Variants in PLCB1 observed in about 807,000 individuals in gnomAD.
PLCB1 encodes the protein 1-phosphatidylinositol 4,5-bisphosphate phosphodiesterase beta-1.
A neutral mutation model predicts 161.8 loss-of-function variants in PLCB1; 46 were observed. The observed-to-expected ratio is 0.28, with a 90% confidence interval of 0.22 to 0.36. The LOEUF is 0.36. PLCB1 is among the 10% of genes least tolerant of loss of function. The probability of loss-of-function intolerance (pLI) is 1.00; values close to 1 mark genes in which losing one functional copy is unlikely to be tolerated. For missense variants in PLCB1, 1,016 were observed against 1,472.5 expected (o/e 0.69, Z 5.07); for synonymous variants, 517 against 503.7 (o/e 1.03, Z -0.35).
At chr20:8,815,922 T>C (rs532027456) in intron 31 of PLCB1, among the ~76,000 whole-genome samples, 6 of 152,186 alleles carry the variant, frequency 3.9e-5, no homozygotes, top group Non-Finnish European at 8.8e-5. Context: ...CCATAAGATA[T>C]ATTAATAGAA....
rs569034015 is a variant in PLCB1 at position 8,423,508 on chromosome 20, C to T, written c.246+52058C>T. ...TGAGAAGGAGCCAATAATTGGAAAA[C>T]CCCTGATTACCTAATGCTTGTAGCA... On this transcript the variant is annotated intron_variant, in intron 3 of 31. Coordinates refer to ENST00000338037, the MANE Select transcript of PLCB1 (RefSeq NM_015192.4). 5.3e-5 allele frequency among the ~76,000 whole-genome samples: 8 copies of T among 152,258 alleles called. No individual in the cohort carries two copies. The East Asian group carries it at 1.3e-3, about 26-fold the overall frequency.
At chr20:8,240,338 A>G (rs919848689) in intron 2 of PLCB1, among the ~76,000 whole-genome samples, 1 of 151,776 alleles carries the variant, frequency 6.6e-6, no homozygotes, top group Non-Finnish European at 1.5e-5. Context: ...AATATGCAGT[A>G]TTTAATGTAT....
intron 2 of PLCB1, among the ~76,000 whole-genome samples, chr20:8,202,671 G>A (rs1478491901): frequency 6.6e-6 from 1 of 152,178 alleles, no homozygotes; most frequent in African/African-American, 2.4e-5. Flanking sequence ...AGTACAGTGT[G>A]TGCCAGGCAA....
intron 3 of PLCB1, among the ~76,000 whole-genome samples, chr20:8,551,604 A>G (rs1985778470): frequency 6.6e-6 from 1 of 152,088 alleles, no homozygotes. Context: ...GAGCTCTTCC[A>G]GAGGCAGCCC....
At chr20:8,319,803 C>T (rs1368897084) in intron 2 of PLCB1, among the ~76,000 whole-genome samples, 3 of 138,890 alleles carry the variant, frequency 2.2e-5, no homozygotes, top group Non-Finnish European at 4.6e-5. Context: ...AACCAGCATA[C>T]ATAATGTCAC....
intron 3 of PLCB1, among the ~76,000 whole-genome samples, chr20:8,483,249 T>C (rs371038937): frequency 2.2e-4 from 33 of 152,230 alleles, no homozygotes; most frequent in African/African-American, 6.8e-4. Context: ...TGGTGCAATG[T>C]GCCCTCTAGA....
intron 31 of PLCB1, among the ~76,000 whole-genome samples, chr20:8,828,741 T>C (rs116731608): frequency 0.015 from 2,321 of 152,262 alleles, 66 homozygotes; most frequent in African/African-American, 0.053. Context: ...GACAAGATTG[T>C]ATGGGGAGTG....
At chr20:8,527,081 A>T (rs1984614436) in intron 3 of PLCB1, among the ~76,000 whole-genome samples, 1 of 152,116 alleles carries the variant, frequency 6.6e-6, no homozygotes, top group South Asian at 2.1e-4. Flanking sequence ...GATGCCAGAC[A>T]CACTTGAGTA....
chr20:8,839,320 C>T (rs1051956258), intron 31 of PLCB1, among the ~76,000 whole-genome samples: 3 of 152,124 alleles, frequency 2.0e-5, no homozygotes, highest in African/African-American at 7.2e-5. Flanking sequence ...GAGCTTCTTT[C>T]AATTTTTGGA....
intron 31 of PLCB1, among the ~76,000 whole-genome samples, chr20:8,876,631 A>G (rs997934209): frequency 6.6e-6 from 1 of 152,202 alleles, no homozygotes; most frequent in African/African-American, 2.4e-5. Flanking sequence ...TGATGAGTCT[A>G]TGAACTGGTT....
chr20:8,644,292 C>T (rs1330209593), intron 4 of PLCB1, among the ~76,000 whole-genome samples: 5 of 151,000 alleles, frequency 3.3e-5, no homozygotes, highest in African/African-American at 1.2e-4. Flanking sequence ...TGCCTGGCTG[C>T]CCAGTCTGGA....
At chr20:8,485,518 T>A in intron 3 of PLCB1, among the ~76,000 whole-genome samples, 1 of 152,228 alleles carries the variant, frequency 6.6e-6, no homozygotes, top group East Asian at 1.9e-4. Flanking sequence ...GGTTTAGTGA[T>A]GTTAATGCTA....
intron 3 of PLCB1, among the ~76,000 whole-genome samples, chr20:8,537,063 G>A (rs1253003217): frequency 6.6e-6 from 1 of 152,160 alleles, no homozygotes; most frequent in African/African-American, 2.4e-5. Context: ...AAATTCATAC[G>A]GGTCTGCAGC....
At chr20:8,800,960 C>T (rs1366816804) in intron 31 of PLCB1, among the ~76,000 whole-genome samples, 1 of 152,166 alleles carries the variant, frequency 6.6e-6, no homozygotes, top group Non-Finnish European at 1.5e-5. Flanking sequence ...CTTCCTGCTG[C>T]CACATGTACA....
At chr20:8,724,595 A>C in intron 15 of PLCB1, 61 bp from the exon 16 acceptor site, 1 of 950,848 alleles carries the variant, frequency 1.1e-6, no homozygotes, top group Non-Finnish European at 1.7e-6. Context: ...TTTTCCTGGG[A>C]AAATAACTGA....
At chr20:8,838,072 T>A (rs1306103051) in intron 31 of PLCB1, among the ~76,000 whole-genome samples, 25 of 148,488 alleles carry the variant, frequency 1.7e-4, no homozygotes, top group Middle Eastern at 3.4e-3. Context: ...CTATGTCAAA[T>A]AAAAAAAAAA....
intron 3 of PLCB1, among the ~76,000 whole-genome samples, chr20:8,453,117 T>A (rs1213564441): frequency 6.6e-6 from 1 of 152,238 alleles, no homozygotes; most frequent in Non-Finnish European, 1.5e-5. Flanking sequence ...GTAACTTTGT[T>A]TCTGGCATCG....
chr20:8,848,517 C>T (rs769345898), intron 31 of PLCB1, among the ~76,000 whole-genome samples: 6 of 152,162 alleles, frequency 3.9e-5, no homozygotes, highest in Non-Finnish European at 7.4e-5. Flanking sequence ...CTCCTTATCA[C>T]TGTGAAAAAC....
chr20:8,726,413 C>T (rs1241710026), intron 16 of PLCB1, among the ~76,000 whole-genome samples: 1 of 152,010 alleles, frequency 6.6e-6, no homozygotes, highest in Admixed American at 6.6e-5. Flanking sequence ...TCTCGTGCTG[C>T]TATGAAGAAA....
Sources: gnomAD v4.1 joint callset for allele counts (sites outside exome capture counted in the v4.1 genomes callset) on GRCh38, gnomAD v4.1.1 for gene constraint, MANE v1.5 for transcripts, NCBI Gene and HGNC (gene_info 2026-07-23, HGNC 2026-07-21) for gene names.